Variants in TRIO observed in about 807,000 individuals in gnomAD.
The protein encoded by TRIO is triple functional domain protein.
Under a neutral mutation model 351.9 loss-of-function variants are expected in TRIO, and 58 were observed. The ratio of observed to expected loss-of-function variants is 0.16; its 90% CI spans 0.13 to 0.21. The LOEUF (loss-of-function observed/expected upper bound fraction) is 0.21, where lower values mean the gene tolerates loss of function less well. Among genes scored for constraint, TRIO ranks in the 10% least tolerant of loss-of-function variants. The pLI is 1.00. For synonymous variants in TRIO, 1,758 were observed against 1,595.7 expected, an observed-to-expected ratio of 1.10 and a Z score of -2.42; for missense variants, 3,201 against 4,027.8, an observed-to-expected ratio of 0.79 and a Z score of 5.56.
intron 1 of TRIO, among the ~76,000 whole-genome samples, chr5:14,254,662 T>G (rs1184709146): frequency 6.6e-6 from 1 of 152,254 alleles, no homozygotes; most frequent in Non-Finnish European, 1.5e-5. Flanking sequence ...CTCCTGTTTC[T>G]TCTCCAACCA....
At chr5:14,345,202 T>C (rs1742309093) in intron 11 of TRIO, among the ~76,000 whole-genome samples, 1 of 152,260 alleles carries the variant, frequency 6.6e-6, no homozygotes, top group African/African-American at 2.4e-5. Context: ...AGAAAAGTTT[T>C]ATGCCAACAG....
At chr5:14,348,387 T>A (rs1236856888) in intron 11 of TRIO, among the ~76,000 whole-genome samples, 1 of 152,266 alleles carries the variant, frequency 6.6e-6, no homozygotes, top group African/African-American at 2.4e-5. Context: ...TGCTTATGTT[T>A]AATTTTCAGT....
At chr5:14,345,122 A>G (rs1295934062) in intron 11 of TRIO, among the ~76,000 whole-genome samples, 1 of 152,214 alleles carries the variant, frequency 6.6e-6, no homozygotes, top group African/African-American at 2.4e-5. Context: ...TTTCTGTAAG[A>G]TGATGTAAAA....
At chr5:14,280,285 C>T (rs1474178915) in intron 2 of TRIO, 37 bp from the exon 3 acceptor site, 7 of 1,572,200 alleles carry the variant, frequency 4.5e-6, no homozygotes, top group Middle Eastern at 1.7e-4. Flanking sequence ...TCTGTCTTAT[C>T]TTGTGTCTAA....
At chr5:14,291,677 T>C (rs1405467689) in intron 5 of TRIO, among the ~76,000 whole-genome samples, 1 of 150,232 alleles carries the variant, frequency 6.7e-6, no homozygotes, top group Non-Finnish European at 1.5e-5. Context: ...TAATCCCAGC[T>C]ACTCAGGAGG....
At chr5:14,450,496 G>A (rs959837195) in intron 34 of TRIO, among the ~76,000 whole-genome samples, 2 of 152,148 alleles carry the variant, frequency 1.3e-5, no homozygotes, top group South Asian at 2.1e-4. Context: ...AGCATGAGCC[G>A]TGGCAGTGCT....
intron 31 of TRIO, among the ~76,000 whole-genome samples, chr5:14,405,495 G>A (rs982856420): frequency 1.3e-5 from 2 of 152,292 alleles, no homozygotes; most frequent in African/African-American, 4.8e-5. Context: ...TGACCAGTGC[G>A]CAGTGTTTGC....
At chr5:14,500,976 T>TC (rs1757255064) in intron 53 of TRIO, among the ~76,000 whole-genome samples, 1 of 150,936 alleles carries the variant, frequency 6.6e-6, no homozygotes, top group Non-Finnish European at 1.5e-5. Flanking sequence ...ACTATGATGC[T>TC]CTGTCTCTGG....
At chr5:14,241,230 G>T (rs1353713903) in intron 1 of TRIO, among the ~76,000 whole-genome samples, 2 of 152,048 alleles carry the variant, frequency 1.3e-5, no homozygotes, top group Non-Finnish European at 2.9e-5. Flanking sequence ...ACATTTTGGG[G>T]GGCCTTCCTC....
At chr5:14,462,664 C>G (rs550923027) in intron 35 of TRIO, 91 bp from the exon 36 acceptor site, 2 of 1,533,316 alleles carry the variant, frequency 1.3e-6, no homozygotes, top group African/African-American at 2.8e-5. Flanking sequence ...CCATCCCAGT[C>G]TCTGTCCCCA....
At chr5:14,173,372 G>A (rs376512509) in intron 1 of TRIO, among the ~76,000 whole-genome samples, 12 of 151,832 alleles carry the variant, frequency 7.9e-5, no homozygotes, top group Non-Finnish European at 1.3e-4. Flanking sequence ...CACCATGTCC[G>A]GCTAAGTTTT....
Position 14,492,746 on chromosome 5 carries a change from C to T in TRIO, c.7812C>T (p.Gly2604=). 1 of 1,614,176 alleles carries T rather than the reference C, an allele frequency of 6.2e-7. No homozygotes were observed. The highest frequency in any genetic ancestry group is 8.5e-7 in the Non-Finnish European group (1 of 1,180,038). The stretch of plus-strand genomic sequence containing the variant: ...CTGACCAGTGCCCCGCAGCTGAGGG[C>T]TGGATTCCAGGCTTTGTCCTGGGCC... The part of the protein sequence containing the change: ...AATDQCPAAE[G]WIPGFVLGHT... The change falls in exon 49 of 57, where the codon GGC becomes GGT. Residue 2604 remains glycine (G), a synonymous_variant. Coordinates refer to ENST00000344204, the MANE Select transcript of TRIO (RefSeq NM_007118.4).
At chr5:14,335,508 A>G (rs985706149) in intron 10 of TRIO, among the ~76,000 whole-genome samples, 19 of 152,286 alleles carry the variant, frequency 1.2e-4, no homozygotes, top group Admixed American at 1.2e-3. Context: ...TTCCTGTAAC[A>G]GCATCAGGGC....
intron 40 of TRIO, among the ~76,000 whole-genome samples, chr5:14,475,801 C>A (rs1210281935): frequency 6.6e-6 from 1 of 151,966 alleles, no homozygotes; most frequent in Non-Finnish European, 1.5e-5. Context: ...GATGACCAGA[C>A]AGACACTGTA....
intron 1 of TRIO, among the ~76,000 whole-genome samples, chr5:14,260,249 GGA>G (rs1795266130): frequency 6.6e-6 from 1 of 152,094 alleles, no homozygotes; most frequent in Non-Finnish European, 1.5e-5. Context: ...ACTTTTAAAT[GGA>G]TTTGTCTAAT....
intron 1 of TRIO, among the ~76,000 whole-genome samples, chr5:14,180,090 G>C (rs960397393): frequency 9.3e-6 from 1 of 107,260 alleles, no homozygotes; most frequent in Non-Finnish European, 1.7e-5. Flanking sequence ...GACAGAGCAG[G>C]ACTCCTGCTC....
intron 54 of TRIO, 33 bp from the exon 55 acceptor site, chr5:14,504,360 C>G: frequency 6.2e-7 from 1 of 1,611,610 alleles, no homozygotes; most frequent in South Asian, 1.1e-5. Context: ...CCTCAGCAGC[C>G]TCTGCAAATG....
intron 13 of TRIO, 72 bp downstream of exon 13, chr5:14,359,603 T>A: frequency 6.4e-7 from 1 of 1,551,564 alleles, no homozygotes; most frequent in Non-Finnish European, 8.8e-7. Context: ...CGGCGCCCTC[T>A]TGTCTCTGCC....
chr5:14,382,429 C>T lies in TRIO; in HGVS notation c.3570+1177C>T, dbSNP rs1480540065. ...TGAGGTGCTGGGCTCTCTCCTTTTCCACGGCTCCTATCCTGGAGGCTCACA... is the reference window on the plus strand; with the variant it reads ...TGAGGTGCTGGGCTCTCTCCTTTTCTACGGCTCCTATCCTGGAGGCTCACA... On this transcript the variant is annotated intron_variant, in intron 21 of 56. Transcript: ENST00000344204. Among the ~76,000 whole-genome samples the T allele has an allele frequency of 1.3e-4, 20 of 152,264 alleles. No homozygotes were observed. In the South Asian group the frequency reaches 3.9e-3, roughly 30 times the overall value.
Sources: allele counts gnomAD v4.1 joint callset (sites outside exome capture counted in the v4.1 genomes callset), GRCh38; gene constraint gnomAD v4.1.1; transcripts MANE v1.5; gene names NCBI Gene and HGNC (gene_info 2026-07-23, HGNC 2026-07-21).